Variants in TRIM35 observed in about 807,000 individuals in gnomAD.
TRIM35 encodes the protein tripartite motif containing 35.
Under a neutral mutation model 49.1 loss-of-function variants are expected in TRIM35, and 37 were observed. The observed-to-expected ratio is 0.75, with a 90% CI of 0.58 to 0.99. The LOEUF (loss-of-function observed/expected upper bound fraction) is 0.99. Ranked by LOEUF, TRIM35 falls within the 50% of genes least tolerant of loss-of-function variation. The probability of loss-of-function intolerance (pLI) is 0.00; values close to 1 mark genes in which losing one functional copy is unlikely to be tolerated. For missense variants in TRIM35, 648 were observed against 702.7 expected (o/e 0.92, Z 0.88); for synonymous variants, 302 against 289.3 (o/e 1.04, Z -0.45).
chr8:27,305,047 A>C (rs1003659253), intron 1 of TRIM35, among the ~76,000 whole-genome samples: 1 of 152,156 alleles, frequency 6.6e-6, no homozygotes, highest in Non-Finnish European at 1.5e-5. Context: ...CTGCACCTCC[A>C]TTTCCTCATC....
intron 1 of TRIM35, among the ~76,000 whole-genome samples, chr8:27,305,658 G>C (rs948476875): frequency 6.6e-6 from 1 of 152,192 alleles, no homozygotes; most frequent in Non-Finnish European, 1.5e-5. Context: ...GAAGGGGAGA[G>C]AGGGCTGGAG....
intron 4 of TRIM35, among the ~76,000 whole-genome samples, 167 bp downstream of exon 4, chr8:27,289,989 C>G (rs1802419992): frequency 1.3e-5 from 2 of 152,170 alleles, no homozygotes; most frequent in African/African-American, 4.8e-5. Context: ...AGAGGGCTCT[C>G]TCCACCTGGC....
intron 1 of TRIM35, among the ~76,000 whole-genome samples, chr8:27,301,590 A>G (rs112999225): frequency 1.3e-5 from 2 of 152,342 alleles, no homozygotes; most frequent in African/African-American, 4.8e-5. Flanking sequence ...AATTTATTAT[A>G]TATACACAAT....
Position 27,287,735 on chromosome 8 carries a change from C to G in TRIM35, c.1297G>C (p.Glu433Gln), listed in dbSNP as rs1490024152. 7.5e-6 allele frequency: 12 copies of G among 1,610,434 alleles called. No homozygotes were observed. Among genetic ancestry groups the G allele is most frequent in the Non-Finnish European group, 9.3e-6 (11 of 1,178,760 alleles). ...AIPRRLRVEL[E>Q]CEEGELSFYD... ...AAAGACAGCTCGCCCTCCTCACACT[C>G]CAGCTCCACACGCAGGCGGCGTGGG... Residue 433 changes from glutamate to glutamine, a missense_variant, in exon 6 of 6, where the codon GAG becomes CAG. Coordinates refer to ENST00000305364, the MANE Select transcript of TRIM35 (RefSeq NM_171982.5). The surrounding 1 kb of genome is among the most constrained non-coding windows in gnomAD (Gnocchi z 6.0).
chr8:27,289,114 G>T, intron 5 of TRIM35, 48 bp downstream of exon 5: 2 of 1,521,696 alleles, frequency 1.3e-6, no homozygotes, highest in Non-Finnish European at 1.8e-6. Context: ...TTGCTAACAT[G>T]AAGGGCTTCC....
intron 3 of TRIM35, 148 bp from the exon 4 acceptor site, chr8:27,290,326 G>A: frequency 1.3e-6 from 1 of 793,300 alleles, no homozygotes; most frequent in Non-Finnish European, 2.0e-6. Context: ...GCTATGATTT[G>A]AACATATTAT....
rs182359010 is a variant in TRIM35, at chr8:27,289,151, C to A, written c.904+11G>T. The A allele has an allele frequency of 1.2e-5, 19 of 1,609,944 alleles. No homozygotes were observed. In the African/African-American group the frequency reaches 1.7e-4, roughly 15 times the overall value. On this transcript the variant is annotated intron_variant, in intron 5 of 5. Coordinates refer to ENST00000305364, the MANE Select transcript of TRIM35 (RefSeq NM_171982.5). ...CCCATGCTTGGGACACCTGCCGGCA[C>A]CCCCGCTCACCAGATTCCACAGATG... is the stretch of plus-strand genomic sequence containing the variant.
At chr8:27,297,531 G>T (rs936924810) in intron 2 of TRIM35, among the ~76,000 whole-genome samples, 1 of 152,212 alleles carries the variant, frequency 6.6e-6, no homozygotes. Context: ...CACCTATTGT[G>T]TGCCAAGAAC....
rs1186048643 is a variant in TRIM35 at position 27,298,468 on chromosome 8, T to TTGTGC, written c.522_526dup (p.Asn176SerfsTer25). ...TTGGCCCCATCGTTCGCTCACCTGATTGTGCTTGGCGATGGCCTCATAGGA... is the reference window on the plus strand; with the variant it reads ...TTGGCCCCATCGTTCGCTCACCTGATTGTGCTGTGCTTGGCGATGGCCTCATAGGA... On this transcript the variant is annotated frameshift_variant, in exon 2 of 6. Transcript: ENST00000305364. LOFTEE classifies it high-confidence loss of function. 1.2e-5 allele frequency: 19 copies of TTGTGC among 1,614,038 alleles called. No individual in the cohort carries two copies. The highest frequency in any genetic ancestry group is 1.6e-5 in the Non-Finnish European group (19 of 1,180,004).
intron 1 of TRIM35, among the ~76,000 whole-genome samples, chr8:27,299,385 A>T (rs189022557): frequency 6.6e-6 from 1 of 152,200 alleles, no homozygotes; most frequent in Non-Finnish European, 1.5e-5. Context: ...ATAAATGGTT[A>T]TCATTTATTC....
intron 1 of TRIM35, among the ~76,000 whole-genome samples, chr8:27,309,891 C>T (rs1485711219): frequency 6.6e-6 from 1 of 151,120 alleles, no homozygotes; most frequent in African/African-American, 2.4e-5. Context: ...ACTCGGGAGG[C>T]TGAGGCACCA....
chr8:27,293,729 C>T (rs924068664), intron 3 of TRIM35, among the ~76,000 whole-genome samples: 1 of 152,020 alleles, frequency 6.6e-6, no homozygotes, highest in South Asian at 2.1e-4. Flanking sequence ...TGGCTCGTGC[C>T]TGTAGTCCCA....
rs956991652 is a variant in TRIM35, at chr8:27,285,121, A to G, written c.*2429T>C. 1.3e-5 allele frequency: 2 copies of G among 152,246 alleles called. No homozygotes were observed. The highest frequency in any genetic ancestry group is 6.5e-5 in the Admixed American group (1 of 15,286). 9.4% of individuals were successfully genotyped at this position (152,246 alleles called of 1,614,324 possible). On this transcript the variant is annotated 3_prime_UTR_variant, in exon 6 of 6. Coordinates refer to ENST00000305364, the MANE Select transcript of TRIM35 (RefSeq NM_171982.5). ...CAATAAGCTCATGAAAAGATGCTCA[A>G]TATCATTCGCCATCAGGGAAATGCA...
chr8:27,303,413 G>A (rs1802718928), intron 1 of TRIM35, among the ~76,000 whole-genome samples: 1 of 151,972 alleles, frequency 6.6e-6, no homozygotes, highest in East Asian at 1.9e-4. Context: ...GGTTCACCTA[G>A]GAAATATGAC....
Position 27,294,212 on chromosome 8 carries a change from G to C in TRIM35, c.630C>G (p.Ala210=), listed in dbSNP as rs7837753. Residue 210 remains alanine, a synonymous_variant, in exon 3 of 6, where the codon GCC becomes GCG. Transcript: ENST00000305364. ...GAAGTTGCTTCTGCCTTGTCTCCTC[G>C]GCCATGGCATCCAGAATGGCCTGCT... ...VEEQAILDAM[A]EETRQKQLLA... is the part of the protein sequence containing the mutation. 1 of 1,613,948 alleles carries C rather than the reference G, an allele frequency of 6.2e-7. No individual in the cohort carries two copies. The highest frequency in any genetic ancestry group is 8.5e-7 in the Non-Finnish European group (1 of 1,180,040).
Position 27,300,197 on chromosome 8 carries a change from A to T in TRIM35, c.436-1638T>A, listed in dbSNP as rs1366671336. 1.3e-5 allele frequency among the ~76,000 whole-genome samples: 2 copies of T among 152,180 alleles called. 1 individual carries two copies. The highest frequency in any genetic ancestry group is 3.8e-4 in the East Asian group (2 of 5,200). ...ACCTGAATCCTGCCAACAACTACAA[A>T]TGTGAGTGTAAATAAGGATCCTGCC... is the stretch of plus-strand genomic sequence containing the variant. On this transcript the variant is annotated intron_variant, in intron 1 of 5. Transcript: ENST00000305364.
chr8:27,290,704 T>G (rs1031180433), intron 3 of TRIM35, among the ~76,000 whole-genome samples: 8 of 152,218 alleles, frequency 5.3e-5, no homozygotes, highest in Non-Finnish European at 8.8e-5. Flanking sequence ...TAAGTTGATC[T>G]ACTGATTCAG....
At chr8:27,305,284 A>G (rs1802760657) in intron 1 of TRIM35, among the ~76,000 whole-genome samples, 1 of 152,214 alleles carries the variant, frequency 6.6e-6, no homozygotes, top group Non-Finnish European at 1.5e-5. Context: ...TGCAACTCCA[A>G]ATCAGTCTCC....
chr8:27,287,585 A>G lies in TRIM35; in HGVS notation c.1447T>C (p.Leu483=), dbSNP rs1202297449. 4.4e-6 allele frequency: 7 copies of G among 1,600,782 alleles called. No homozygotes were observed. The highest frequency in any genetic ancestry group is 6.0e-6 in the Non-Finnish European group (7 of 1,173,324). ...AGTTCTTCCTTGACACTGATGTGCA[A>G]GGGGCAGATGCGCAAAGGCTCTGGA... ...GPPEPLRICP[L]HISVKEELDG is the part of the protein sequence containing the mutation. The change falls in exon 6 of 6, where the codon TTG becomes CTG. Residue 483 remains leucine (L), a synonymous_variant. Coordinates refer to ENST00000305364, the MANE Select transcript of TRIM35 (RefSeq NM_171982.5). This position sits in a 1 kb window ranked among gnomAD's most constrained non-coding sequence, Gnocchi z 6.0.
Sources: allele counts gnomAD v4.1 joint callset (sites outside exome capture counted in the v4.1 genomes callset), GRCh38; gene constraint gnomAD v4.1.1; non-coding constraint Gnocchi (gnomAD v3.1); transcripts MANE v1.5; gene names NCBI Gene and HGNC (gene_info 2026-07-23, HGNC 2026-07-21).